The following BCO2 variants were observed in gnomAD, a reference collection of about 807,000 sequenced individuals.
BCO2 encodes the protein beta-carotene oxygenase 2, also known as carotenoid-cleaving dioxygenase, mitochondrial.
In BCO2, 56 loss-of-function variants were observed where a neutral mutation model predicts 65.8. That is an observed-to-expected ratio of 0.85 (90% confidence interval 0.69 to 1.06). The LOEUF is 1.06. Ranked by LOEUF, BCO2 falls within the 50% of genes least tolerant of loss-of-function variation. The pLI is 0.00. For missense variants in BCO2, 675 were observed against 698.5 expected (o/e 0.97, Z 0.38); for synonymous variants, 233 against 242.3 (o/e 0.96, Z 0.36).
chr11:112,195,801 C>A (rs1357829998), intron 5 of BCO2, among the ~76,000 whole-genome samples: 4 of 152,126 alleles, frequency 2.6e-5, no homozygotes, highest in African/African-American at 7.2e-5. Context: ...CCTTTAATTG[C>A]CTAACAATAA....
At chr11:112,184,575 C>A (rs1389415980) in intron 2 of BCO2, among the ~76,000 whole-genome samples, 2 of 152,048 alleles carry the variant, frequency 1.3e-5, no homozygotes, top group African/African-American at 4.8e-5. Context: ...ATTTTAAACA[C>A]ACATTTGATT....
At chr11:112,178,912 A>C (rs986600557) in intron 1 of BCO2, among the ~76,000 whole-genome samples, 22 of 152,254 alleles carry the variant, frequency 1.4e-4, no homozygotes, top group African/African-American at 5.3e-4. Context: ...TGCTCTTAGC[A>C]CATCTGGGGT....
At chr11:112,180,775 G>C in intron 2 of BCO2, 1 of 960,850 alleles carries the variant, frequency 1.0e-6, no homozygotes, top group Non-Finnish European at 1.7e-6. Flanking sequence ...GCAGCGTGAT[G>C]AGGCGGATGA....
intron 2 of BCO2, among the ~76,000 whole-genome samples, chr11:112,190,810 C>T (rs1271676363): frequency 1.3e-4 from 18 of 143,082 alleles, no homozygotes; most frequent in African/African-American, 4.4e-4. Context: ...GAGCTGAGAT[C>T]GTGCCACTGC....
chr11:112,175,791 C>G, intron 1 of BCO2, 102 bp downstream of exon 1: 1 of 1,001,744 alleles, frequency 1.0e-6, no homozygotes, highest in Non-Finnish European at 1.6e-6. Flanking sequence ...GCTTCTGAAG[C>G]TTTGTGTCCT....
intron 2 of BCO2, among the ~76,000 whole-genome samples, chr11:112,191,426 A>G (rs1867388105): frequency 6.6e-6 from 1 of 152,212 alleles, no homozygotes; most frequent in Non-Finnish European, 1.5e-5. Flanking sequence ...AATACTTAGC[A>G]ATGAATTTAG....
chr11:112,181,927 G>T, intron 2 of BCO2: 2 of 620,898 alleles, frequency 3.2e-6, no homozygotes, highest in South Asian at 2.0e-5. Context: ...CTCTGTTAAT[G>T]GGAGAAAATT....
At position 112,193,557 on chromosome 11, in the gene BCO2, T is replaced by A. The variant is rs1449478903; in HGVS notation, c.377T>A (p.Leu126Gln). The A allele has an allele frequency of 4.3e-6, 7 of 1,614,068 alleles. No individual in the cohort carries two copies. The highest frequency in any genetic ancestry group is 5.9e-6 in the Non-Finnish European group (7 of 1,180,028). Residue 126 changes from leucine (L) to glutamine (Q), a missense_variant, in exon 3 of 12, where the codon CTA (leucine) becomes CAA (glutamine). Physicochemically the swap from Leu to Gln is moderately radical, Grantham distance 113. Transcript: ENST00000357685. ...ACAGTGACATACAGGAGCAAGTTTC[T>A]ACAGAGTGATACATATAAGGCCAAC... ...KGTVTYRSKF[L>Q]QSDTYKANSA...
chr11:112,179,459 G>A lies in BCO2; in HGVS notation c.270G>A (p.Gly90=). Residue 90 remains glycine (G), a synonymous_variant, in exon 2 of 12, where the codon GGG becomes GGA. Transcript: ENST00000357685. ...GCTCTCTACTTCGAATTGGACCTGG[G>A]AAATTCGAGTTTGGGAAGGATAAGT... ...LNGSLLRIGP[G]KFEFGKDKYN... The A allele has an allele frequency of 6.2e-7, 1 of 1,614,152 alleles. No individual in the cohort carries two copies. The highest frequency in any genetic ancestry group is 8.5e-7 in the Non-Finnish European group (1 of 1,180,028).
chr11:112,185,113 A>G (rs557818647), intron 2 of BCO2, among the ~76,000 whole-genome samples: 181 of 152,330 alleles, frequency 1.2e-3, no homozygotes, highest in Non-Finnish European at 2.1e-3. Context: ...ATCTATTTTC[A>G]TAATCAATAT....
At chr11:112,214,396 G>A (rs1859598063) in intron 9 of BCO2, among the ~76,000 whole-genome samples, 2 of 152,058 alleles carry the variant, frequency 1.3e-5, no homozygotes, top group South Asian at 4.1e-4. Context: ...TAATCCGCCC[G>A]CCTCAGCCTC....
chr11:112,196,630 T>C (rs1639191407), intron 5 of BCO2, among the ~76,000 whole-genome samples: 1 of 152,246 alleles, frequency 6.6e-6, no homozygotes, highest in African/African-American at 2.4e-5. Context: ...CAAAGCATGA[T>C]GTTTTGTATG....
intron 9 of BCO2, among the ~76,000 whole-genome samples, chr11:112,214,185 CGCCCAG>C (rs1335491576): frequency 6.6e-6 from 1 of 151,854 alleles, no homozygotes; most frequent in African/African-American, 2.4e-5. Flanking sequence ...CTTGCTCTGG[CGCCCAG>C]ACTGGAGTGC....
intron 2 of BCO2, 127 bp downstream of exon 2, chr11:112,179,609 A>G: frequency 1.2e-6 from 1 of 856,562 alleles, no homozygotes; most frequent in South Asian, 1.7e-5. Context: ...ACAGATAAAG[A>G]AACTGTAGCC....
At chr11:112,177,951 C>T (rs2135342731) in intron 1 of BCO2, among the ~76,000 whole-genome samples, 1 of 151,054 alleles carries the variant, frequency 6.6e-6, no homozygotes, top group Middle Eastern at 3.4e-3. Flanking sequence ...TCTTGTTGCC[C>T]AGGCTGGAGT....
chr11:112,184,015 A>T (rs1319054087), intron 2 of BCO2, among the ~76,000 whole-genome samples: 1 of 152,228 alleles, frequency 6.6e-6, no homozygotes, highest in Non-Finnish European at 1.5e-5. Context: ...CTATTAGCCT[A>T]GTTTTCTCAT....
At position 112,193,194 on chromosome 11, in the gene BCO2, G is replaced by A. The variant is rs1592846837; in HGVS notation, c.294-280G>A. ...GGGATTTCACCACGTTAGCCAGGAC[G>A]GTCTTGATCTCCTGACCTCGTGATC... On this transcript the variant is annotated intron_variant, in intron 2 of 11. Transcript: ENST00000357685. Among the ~76,000 whole-genome samples the A allele has an allele frequency of 2.6e-5, 4 of 151,350 alleles. No individual in the cohort carries two copies. In the South Asian group the frequency reaches 6.3e-4, roughly 24 times the overall value.
intron 4 of BCO2, 185 bp downstream of exon 4, chr11:112,194,179 T>C: frequency 1.8e-6 from 1 of 550,346 alleles, no homozygotes. Flanking sequence ...TTTCCTTAAA[T>C]ATAATTCTAA....
intron 2 of BCO2, among the ~76,000 whole-genome samples, chr11:112,193,075 T>C (rs1867446567): frequency 6.6e-6 from 1 of 151,128 alleles, no homozygotes; most frequent in Non-Finnish European, 1.5e-5. Context: ...CCTCCCAGGT[T>C]CACGCCATTC....
Sources: allele counts gnomAD v4.1 joint callset (sites outside exome capture counted in the v4.1 genomes callset), GRCh38; gene constraint gnomAD v4.1.1; transcripts MANE v1.5; gene names NCBI Gene and HGNC (gene_info 2026-07-23, HGNC 2026-07-21).